CSMD1: variants seen among roughly 807,000 people sequenced by gnomAD.
The protein encoded by CSMD1 is CUB and Sushi multiple domains 1.
A neutral mutation model predicts 417.5 loss-of-function variants in CSMD1; 213 were observed. The ratio of observed to expected loss-of-function variants is 0.51; its 90% CI spans 0.46 to 0.57. The LOEUF (loss-of-function observed/expected upper bound fraction) is 0.57, where lower values mean the gene tolerates loss of function less well. Among genes scored for constraint, CSMD1 ranks in the 20% least tolerant of loss-of-function variants. The probability of loss-of-function intolerance (pLI) is 0.00; values close to 1 mark genes in which losing one functional copy is unlikely to be tolerated. For synonymous variants in CSMD1, 2,862 were observed against 1,736.8 expected (o/e 1.65, Z -16.11); for missense variants, 6,923 against 4,529.7 (o/e 1.53, Z -15.17).
At chr8:3,564,323 T>C (rs909602899) in intron 10 of CSMD1, among the ~76,000 whole-genome samples, 6 of 129,904 alleles carry the variant, frequency 4.6e-5, no homozygotes, top group Non-Finnish European at 8.3e-5. Flanking sequence ...CCCAGGATGT[T>C]TTTTGAATGT....
At chr8:4,884,189 G>C (rs759754074) in intron 1 of CSMD1, among the ~76,000 whole-genome samples, 1 of 151,710 alleles carries the variant, frequency 6.6e-6, no homozygotes, top group East Asian at 1.9e-4. Flanking sequence ...TTTTATTATT[G>C]AGCTGTAAGA....
intron 6 of CSMD1, among the ~76,000 whole-genome samples, chr8:3,716,291 G>C (rs967562378): frequency 6.6e-6 from 1 of 152,166 alleles, no homozygotes; most frequent in Admixed American, 6.5e-5. Flanking sequence ...TTCAGTGGGA[G>C]TCCACAGACT....
At chr8:4,524,533 C>G (rs1796411492) in intron 2 of CSMD1, among the ~76,000 whole-genome samples, 2 of 150,786 alleles carry the variant, frequency 1.3e-5, no homozygotes, top group Non-Finnish European at 2.9e-5. Context: ...GGGTATGAAC[C>G]CTGCATTTTC....
At chr8:4,317,246 C>T (rs1563443596) in intron 3 of CSMD1, among the ~76,000 whole-genome samples, 1 of 151,844 alleles carries the variant, frequency 6.6e-6, no homozygotes, top group African/African-American at 2.4e-5. Context: ...GGGAATTTTT[C>T]TTTTTTTTAC....
intron 26 of CSMD1, among the ~76,000 whole-genome samples, chr8:3,248,670 T>A (rs190221160): frequency 2.6e-5 from 4 of 152,152 alleles, no homozygotes; most frequent in Non-Finnish European, 4.4e-5. Context: ...AATACTTGAT[T>A]TGTTTTTATT....
At chr8:3,930,244 A>T (rs570950418) in intron 5 of CSMD1, among the ~76,000 whole-genome samples, 1 of 150,438 alleles carries the variant, frequency 6.6e-6, no homozygotes, top group African/African-American at 2.4e-5. Flanking sequence ...TTCTTCAAAG[A>T]CTTTCCTCCC....
intron 49 of CSMD1, among the ~76,000 whole-genome samples, chr8:3,053,439 G>C (rs571336378): frequency 6.6e-6 from 1 of 152,024 alleles, no homozygotes; most frequent in South Asian, 2.1e-4. Context: ...CCTTTTTATT[G>C]TTCCTCTCCC....
chr8:4,256,789 C>G (rs780493998), intron 3 of CSMD1, among the ~76,000 whole-genome samples: 8 of 152,128 alleles, frequency 5.3e-5, no homozygotes, highest in Non-Finnish European at 8.8e-5. Context: ...GCAACAGGGC[C>G]AAGCAGTCAG....
intron 68 of CSMD1, among the ~76,000 whole-genome samples, chr8:2,948,476 T>C (rs898327232): frequency 2.0e-5 from 3 of 152,170 alleles, no homozygotes; most frequent in Non-Finnish European, 4.4e-5. Context: ...TACCTGTCTA[T>C]GTAGAATAAG....
At chr8:4,076,199 A>T (rs993901574) in intron 3 of CSMD1, among the ~76,000 whole-genome samples, 1 of 152,082 alleles carries the variant, frequency 6.6e-6, no homozygotes, top group Non-Finnish European at 1.5e-5. Flanking sequence ...TTCTCACAAG[A>T]TCTAATGGTT....
intron 12 of CSMD1, among the ~76,000 whole-genome samples, chr8:3,457,645 T>C (rs1425085056): frequency 2.0e-5 from 3 of 152,172 alleles, no homozygotes; most frequent in Non-Finnish European, 2.9e-5. Context: ...CAAAATATCA[T>C]CCATTTCTAA....
chr8:3,763,985 ATCTG>A (rs913714017), intron 5 of CSMD1, among the ~76,000 whole-genome samples: 10 of 152,058 alleles, frequency 6.6e-5, no homozygotes, highest in Non-Finnish European at 1.3e-4. Flanking sequence ...CACTCCCCAC[ATCTG>A]TCTGTTTGTC....
At chr8:4,378,747 G>C (rs1294026384) in intron 3 of CSMD1, among the ~76,000 whole-genome samples, 1 of 152,198 alleles carries the variant, frequency 6.6e-6, no homozygotes, top group Non-Finnish European at 1.5e-5. Context: ...GGGAGATTAT[G>C]AGGTTATGAG....
intron 3 of CSMD1, among the ~76,000 whole-genome samples, chr8:4,279,584 T>C (rs1202259468): frequency 6.6e-6 from 1 of 152,180 alleles, no homozygotes; most frequent in African/African-American, 2.4e-5. Context: ...CACGGTTTTA[T>C]TGCCCTAAAC....
chr8:4,196,444 T>C (rs1044945392), intron 3 of CSMD1, among the ~76,000 whole-genome samples: 1 of 152,154 alleles, frequency 6.6e-6, no homozygotes, highest in Non-Finnish European at 1.5e-5. Flanking sequence ...TTCTGAAGCC[T>C]CTTAGGGAAA....
intron 50 of CSMD1, among the ~76,000 whole-genome samples, chr8:3,041,379 A>C (rs1180761855): frequency 6.6e-6 from 1 of 152,194 alleles, no homozygotes; most frequent in Admixed American, 6.5e-5. Context: ...GATCCCAAAC[A>C]TAAAGAATCC....
chr8:3,526,134 G>C (rs1045640229), intron 10 of CSMD1, among the ~76,000 whole-genome samples: 7 of 152,244 alleles, frequency 4.6e-5, no homozygotes, highest in East Asian at 1.9e-4. Flanking sequence ...TTTAGAAATT[G>C]AAAGTGGCAA....
chr8:4,931,248 T>C (rs1807225694), intron 1 of CSMD1, among the ~76,000 whole-genome samples: 1 of 152,212 alleles, frequency 6.6e-6, no homozygotes, highest in South Asian at 2.1e-4. Flanking sequence ...TCTCCTTCAA[T>C]TTTAACATTT....
intron 1 of CSMD1, among the ~76,000 whole-genome samples, chr8:4,805,758 A>G (rs1585129333): frequency 6.6e-6 from 1 of 152,220 alleles, no homozygotes; most frequent in East Asian, 1.9e-4. Context: ...GTCATATTCC[A>G]TTAATGAATA....
Sources: gnomAD v4.1 joint callset for allele counts (sites outside exome capture counted in the v4.1 genomes callset) on GRCh38, gnomAD v4.1.1 for gene constraint, MANE v1.5 for transcripts, NCBI Gene and HGNC (gene_info 2026-07-23, HGNC 2026-07-21) for gene names.